The following NEGR1 variants were observed in gnomAD, a reference collection of about 807,000 sequenced individuals.
NEGR1 encodes IgLON family member 4.
Under a neutral mutation model 40.9 loss-of-function variants are expected in NEGR1, and 10 were observed. The observed-to-expected ratio is 0.24, with a 90% CI of 0.15 to 0.42. The LOEUF is 0.42. NEGR1 is among the 10% of genes least tolerant of loss of function. The pLI, the probability that NEGR1 is intolerant of heterozygous loss-of-function variation, is 1.00. For synonymous variants in NEGR1, 185 were observed against 166.8 expected (o/e 1.11, Z -0.84); for missense variants, 352 against 438.9 (o/e 0.80, Z 1.77).
chr1:71,665,894 G>A (rs1234462693), intron 4 of NEGR1, among the ~76,000 whole-genome samples: 7 of 152,044 alleles, frequency 4.6e-5, no homozygotes, highest in African/African-American at 1.7e-4. Context: ...ACCTCAGTTG[G>A]TTCTTTGGTG....
chr1:71,835,933 C>T (rs796781978), intron 2 of NEGR1, among the ~76,000 whole-genome samples: 18 of 152,010 alleles, frequency 1.2e-4, no homozygotes, highest in African/African-American at 3.9e-4. Context: ...TGTGTGTGTG[C>T]ACATATGTGT....
At chr1:71,863,579 G>A (rs1363133020) in intron 2 of NEGR1, among the ~76,000 whole-genome samples, 1 of 152,114 alleles carries the variant, frequency 6.6e-6, no homozygotes, top group Non-Finnish European at 1.5e-5. Flanking sequence ...TGCATATCCT[G>A]AACACGTACC....
At chr1:72,198,179 C>G (rs77645126) in intron 1 of NEGR1, among the ~76,000 whole-genome samples, 1 of 151,964 alleles carries the variant, frequency 6.6e-6, no homozygotes, top group Non-Finnish European at 1.5e-5. Context: ...ATATTTCTAG[C>G]CTCCTTGATA....
intron 1 of NEGR1, among the ~76,000 whole-genome samples, chr1:72,265,100 A>G (rs1257564873): frequency 6.6e-6 from 1 of 150,922 alleles, no homozygotes; most frequent in Non-Finnish European, 1.5e-5. Context: ...TCACACTACT[A>G]ATTTCTGTAT....
At chr1:71,631,025 T>A (rs1485478436) in intron 4 of NEGR1, among the ~76,000 whole-genome samples, 1 of 151,950 alleles carries the variant, frequency 6.6e-6, no homozygotes, top group East Asian at 1.9e-4. Flanking sequence ...ACTGAATTTA[T>A]TAACTTTTAC....
chr1:72,162,966 G>A (rs1200961583), intron 1 of NEGR1, among the ~76,000 whole-genome samples: 1 of 152,070 alleles, frequency 6.6e-6, no homozygotes, highest in Non-Finnish European at 1.5e-5. Flanking sequence ...GGAATGCTGT[G>A]TTCTAGACAA....
intron 3 of NEGR1, among the ~76,000 whole-genome samples, chr1:71,706,739 AC>A (rs1653914562): frequency 6.6e-6 from 1 of 151,282 alleles, no homozygotes; most frequent in African/African-American, 2.4e-5. Flanking sequence ...TTCTAGACAC[AC>A]CCTGTGTCAG....
intron 1 of NEGR1, among the ~76,000 whole-genome samples, chr1:72,254,781 A>C (rs1310162837): frequency 6.6e-6 from 1 of 151,776 alleles, no homozygotes; most frequent in Non-Finnish European, 1.5e-5. Context: ...GACATTTTAC[A>C]TGAAATGCTT....
chr1:72,266,954 G>T (rs1655667508), intron 1 of NEGR1, among the ~76,000 whole-genome samples: 1 of 150,730 alleles, frequency 6.6e-6, no homozygotes, highest in Admixed American at 6.6e-5. Context: ...CATACCGGAG[G>T]GTAAAGAAGT....
intron 6 of NEGR1, among the ~76,000 whole-genome samples, chr1:71,439,561 C>T (rs191595649): frequency 3.3e-5 from 5 of 152,232 alleles, no homozygotes; most frequent in Non-Finnish European, 5.9e-5. Flanking sequence ...CAGAGTTTGA[C>T]CATGTTGCCT....
intron 1 of NEGR1, among the ~76,000 whole-genome samples, chr1:72,015,058 A>T (rs1314986142): frequency 1.3e-5 from 2 of 152,082 alleles, no homozygotes; most frequent in African/African-American, 4.8e-5. Flanking sequence ...TACAGCTAAC[A>T]CCTTATTTCT....
intron 6 of NEGR1, among the ~76,000 whole-genome samples, chr1:71,492,382 A>G (rs1308148446): frequency 6.6e-6 from 1 of 152,072 alleles, no homozygotes; most frequent in Non-Finnish European, 1.5e-5. Flanking sequence ...GCCATCAATT[A>G]AACGTTTATC....
chr1:72,219,455 G>C (rs934765746), intron 1 of NEGR1, among the ~76,000 whole-genome samples: 2 of 151,942 alleles, frequency 1.3e-5, no homozygotes, highest in Non-Finnish European at 2.9e-5. Context: ...GCCAAGGCAA[G>C]CTTGGCATTT....
At chr1:71,996,571 T>C (rs1183808233) in intron 1 of NEGR1, among the ~76,000 whole-genome samples, 1 of 152,224 alleles carries the variant, frequency 6.6e-6, no homozygotes, top group Non-Finnish European at 1.5e-5. Flanking sequence ...CTATTTCTGA[T>C]TTTTTACTCA....
chr1:72,038,321 G>T (rs1646922721), intron 1 of NEGR1, among the ~76,000 whole-genome samples: 1 of 151,988 alleles, frequency 6.6e-6, no homozygotes, highest in Non-Finnish European at 1.5e-5. Flanking sequence ...GATTATATTT[G>T]TTAAAACAAG....
intron 3 of NEGR1, among the ~76,000 whole-genome samples, chr1:71,739,214 A>C (rs1419091442): frequency 2.0e-4 from 30 of 149,050 alleles, no homozygotes; most frequent in African/African-American, 7.1e-4. Context: ...AAAAAAAAAA[A>C]AAACAAAAAA....
intron 2 of NEGR1, among the ~76,000 whole-genome samples, chr1:71,899,814 T>C (rs1018361667): frequency 2.0e-5 from 3 of 152,152 alleles, no homozygotes; most frequent in Admixed American, 1.3e-4. Flanking sequence ...CTCATCCAGA[T>C]CTCATCAAAC....
intron 1 of NEGR1, among the ~76,000 whole-genome samples, chr1:72,275,498 A>AT (rs1656017228): frequency 6.6e-6 from 1 of 152,046 alleles, no homozygotes; most frequent in Non-Finnish European, 1.5e-5. Context: ...AATAAATTTT[A>AT]TTTTTTTATA....
chr1:71,962,855 C>A (rs929976304), intron 1 of NEGR1, among the ~76,000 whole-genome samples: 1 of 151,310 alleles, frequency 6.6e-6, no homozygotes, highest in Non-Finnish European at 1.5e-5. Flanking sequence ...CAGTTGTTCT[C>A]AACCCTGAAT....
Sources: gnomAD v4.1 joint callset for allele counts (sites outside exome capture counted in the v4.1 genomes callset) on GRCh38, gnomAD v4.1.1 for gene constraint, MANE v1.5 for transcripts, NCBI Gene and HGNC (gene_info 2026-07-23, HGNC 2026-07-21) for gene names.